AHI1: variants seen among roughly 807,000 people sequenced by gnomAD.
AHI1 encodes jouberin.
A neutral mutation model predicts 149.3 loss-of-function variants in AHI1; 123 were observed. The ratio of observed to expected loss-of-function variants is 0.82; its 90% CI spans 0.71 to 0.96. The LOEUF (loss-of-function observed/expected upper bound fraction) is 0.96. Among genes scored for constraint, AHI1 ranks in the 40% least tolerant of loss-of-function variants. AHI1 has a pLI of 0.00. For missense variants in AHI1, 1,439 were observed against 1,422.7 expected, an observed-to-expected ratio of 1.01 and a Z score of -0.18; for synonymous variants, 475 against 459.8, an observed-to-expected ratio of 1.03 and a Z score of -0.42.
intron 26 of AHI1, among the ~76,000 whole-genome samples, chr6:135,311,358 A>C (rs1357927852): frequency 2.0e-5 from 3 of 151,238 alleles, no homozygotes; most frequent in Non-Finnish European, 4.4e-5. Flanking sequence ...AAAAAGCAGA[A>C]TCTTAAGTAT....
intron 24 of AHI1, among the ~76,000 whole-genome samples, chr6:135,338,196 AAGCT>A (rs1789703289): frequency 1.3e-5 from 2 of 151,610 alleles, no homozygotes; most frequent in Admixed American, 6.6e-5. Flanking sequence ...GCTACTCGGG[AAGCT>A]GAGGCAGGAG....
chr6:135,462,957 G>A (rs1293578707), intron 8 of AHI1, among the ~76,000 whole-genome samples, 168 bp downstream of exon 8: 4 of 151,766 alleles, frequency 2.6e-5, no homozygotes, highest in African/African-American at 7.3e-5. Context: ...GAGACCTACA[G>A]CTACAAATAC....
At chr6:135,340,631 A>C (rs1790148133) in intron 24 of AHI1, among the ~76,000 whole-genome samples, 1 of 140,470 alleles carries the variant, frequency 7.1e-6, no homozygotes, top group African/African-American at 2.6e-5. Context: ...CAAAATATAA[A>C]AACCAGTACA....
intron 8 of AHI1, among the ~76,000 whole-genome samples, chr6:135,459,046 C>T (rs1789446275): frequency 6.6e-6 from 1 of 152,180 alleles, no homozygotes; most frequent in African/African-American, 2.4e-5. Context: ...CTTGACCTAA[C>T]TGACATACAT....
At chr6:135,344,653 C>T (rs773201828) in intron 24 of AHI1, among the ~76,000 whole-genome samples, 5 of 139,606 alleles carry the variant, frequency 3.6e-5, no homozygotes, top group Non-Finnish European at 7.8e-5. Context: ...TTTCTTCCTT[C>T]CTTCTTCCCT....
chr6:135,305,125 T>C (rs924701142), intron 26 of AHI1: 2 of 152,200 alleles, frequency 1.3e-5, no homozygotes, highest in Non-Finnish European at 2.9e-5. Context: ...GAAGGCTATA[T>C]ACCAGGCAGT....
At chr6:135,299,134 A>G (rs1224584828) in intron 27 of AHI1, among the ~76,000 whole-genome samples, 1 of 152,230 alleles carries the variant, frequency 6.6e-6, no homozygotes, top group Non-Finnish European at 1.5e-5. Context: ...TATCTGACTG[A>G]TAACAGTAAA....
chr6:135,352,557 T>C (rs1582762431), intron 24 of AHI1, among the ~76,000 whole-genome samples: 2 of 152,092 alleles, frequency 1.3e-5, no homozygotes. Flanking sequence ...CATATTCCTA[T>C]ATTTGGGCAC....
intron 5 of AHI1, among the ~76,000 whole-genome samples, chr6:135,479,582 CTTTT>C (rs1177041860): frequency 6.6e-6 from 1 of 151,802 alleles, no homozygotes; most frequent in African/African-American, 2.4e-5. Context: ...AAGTAACTAA[CTTTT>C]TTTTTATTTT....
At chr6:135,285,765 C>T in intron 28 of AHI1, 118 bp from the exon 29 acceptor site, 1 of 749,730 alleles carries the variant, frequency 1.3e-6, no homozygotes, top group Non-Finnish European at 2.2e-6. Context: ...GTGTAAAACA[C>T]AAACACATAC....
intron 24 of AHI1, among the ~76,000 whole-genome samples, chr6:135,351,117 C>T (rs745922240): frequency 1.5e-5 from 2 of 136,782 alleles, no homozygotes; most frequent in East Asian, 2.0e-4. Context: ...CAAATACATA[C>T]ATAAATAAAA....
intron 5 of AHI1, among the ~76,000 whole-genome samples, chr6:135,480,100 T>C (rs1176948020): frequency 6.6e-6 from 1 of 152,154 alleles, no homozygotes; most frequent in African/African-American, 2.4e-5. Context: ...CTCAGTTAGC[T>C]CTTTATAGCA....
intron 23 of AHI1, among the ~76,000 whole-genome samples, chr6:135,380,731 A>ACCAC (rs1776621689): frequency 3.6e-5 from 2 of 56,052 alleles, no homozygotes; most frequent in Admixed American, 2.0e-4. Context: ...AAGTAAAATA[A>ACCAC]CCCCCCCCCC....
At chr6:135,383,692 T>C (rs889844838) in intron 23 of AHI1, among the ~76,000 whole-genome samples, 4 of 152,216 alleles carry the variant, frequency 2.6e-5, no homozygotes, top group South Asian at 2.1e-4. Flanking sequence ...TTTGGAAATA[T>C]ATTTTATAAC....
At position 135,400,029 on chromosome 6, in the gene AHI1, T is replaced by C. The variant is rs184974263; in HGVS notation, c.2988+4922A>G. 1.5e-4 allele frequency among the ~76,000 whole-genome samples: 23 copies of C among 152,280 alleles called. No homozygotes were observed. In the East Asian group the frequency reaches 4.4e-3, roughly 29 times the overall value. On this transcript the variant is annotated intron_variant, in intron 22 of 28. Coordinates refer to ENST00000265602, the MANE Select transcript of AHI1 (RefSeq NM_001134831.2). ...AGTCCAGTCCCCAATAGTTATCTTT[T>C]CTGCTCCTCTCTCTCCTCCCACCCT...
chr6:135,382,709 AC>A, intron 23 of AHI1, among the ~76,000 whole-genome samples: 1 of 151,836 alleles, frequency 6.6e-6, no homozygotes, highest in African/African-American at 2.4e-5. Flanking sequence ...ATGTTTAAAA[AC>A]TAAAAATTTC....
chr6:135,401,982 TAA>T (rs1780082155), intron 22 of AHI1, among the ~76,000 whole-genome samples: 1 of 151,238 alleles, frequency 6.6e-6, no homozygotes, highest in African/African-American at 2.4e-5. Context: ...AAGTAAACAA[TAA>T]AAAGACAAAA....
At chr6:135,358,065 T>C in intron 24 of AHI1, 67 bp downstream of exon 24, 2 of 1,424,576 alleles carry the variant, frequency 1.4e-6, no homozygotes, top group Non-Finnish European at 1.9e-6. Flanking sequence ...AATGGCACTG[T>C]AACTATAACC....
intron 20 of AHI1, among the ~76,000 whole-genome samples, chr6:135,419,291 T>C (rs1412021241): frequency 6.6e-6 from 1 of 152,148 alleles, no homozygotes; most frequent in Non-Finnish European, 1.5e-5. Context: ...CAGTACATGC[T>C]ATTCTGCTCT....
Sources: allele counts gnomAD v4.1 joint callset (sites outside exome capture counted in the v4.1 genomes callset), GRCh38; gene constraint gnomAD v4.1.1; transcripts MANE v1.5; gene names NCBI Gene and HGNC (gene_info 2026-07-23, HGNC 2026-07-21).